Variants in UPP2 observed in about 807,000 individuals in gnomAD.
UPP2 encodes the protein uridine phosphorylase 2, also known as UPase 2.
Under a neutral mutation model 26.7 loss-of-function variants are expected in UPP2, and 23 were observed. The observed-to-expected ratio is 0.86, with a 90% CI of 0.62 to 1.22. The LOEUF (loss-of-function observed/expected upper bound fraction) is 1.22, where lower values mean the gene tolerates loss of function less well. UPP2 is among the 50% of genes most tolerant of loss of function. The pLI is 0.00. For synonymous variants in UPP2, 127 were observed against 141.3 expected, an observed-to-expected ratio of 0.90 and a Z score of 0.72; for missense variants, 387 against 396.7, an observed-to-expected ratio of 0.98 and a Z score of 0.21.
At chr2:158,052,553 T>C (rs1367807302) in intron 3 of UPP2, among the ~76,000 whole-genome samples, 1 of 152,216 alleles carries the variant, frequency 6.6e-6, no homozygotes, top group Non-Finnish European at 1.5e-5. Context: ...GGGTATTGAA[T>C]GACTGAATTG....
intron 3 of UPP2, among the ~76,000 whole-genome samples, chr2:158,016,806 C>G: frequency 6.6e-6 from 1 of 151,978 alleles, no homozygotes; most frequent in Non-Finnish European, 1.5e-5. Flanking sequence ...CTGTCCCCAC[C>G]CCACAAGCAG....
At chr2:158,113,289 G>A (rs7586185) in intron 2 of UPP2, among the ~76,000 whole-genome samples, 11,204 of 152,202 alleles carry the variant, frequency 0.074, 743 homozygotes, top group African/African-American at 0.17. Flanking sequence ...CACACAATGA[G>A]GTTATTTTCA....
intron 3 of UPP2, among the ~76,000 whole-genome samples, chr2:158,025,944 T>C (rs972807938): frequency 2.0e-5 from 3 of 152,052 alleles, no homozygotes; most frequent in Non-Finnish European, 2.9e-5. Flanking sequence ...TTCAGCTTCG[T>C]CTGGAAGAAG....
intron 2 of UPP2, among the ~76,000 whole-genome samples, chr2:158,012,379 T>G (rs913696981): frequency 1.4e-5 from 2 of 146,318 alleles, no homozygotes; most frequent in African/African-American, 5.0e-5. Flanking sequence ...GTGATTCTCC[T>G]GCCTCAGCTT....
intron 2 of UPP2, among the ~76,000 whole-genome samples, chr2:158,000,371 C>G (rs1045505669): frequency 1.3e-5 from 2 of 152,012 alleles, no homozygotes; most frequent in African/African-American, 4.8e-5. Context: ...ATGAGAGATC[C>G]AACTTATATT....
intron 2 of UPP2, among the ~76,000 whole-genome samples, chr2:158,006,491 A>T (rs1181706065): frequency 6.6e-6 from 1 of 151,790 alleles, no homozygotes; most frequent in Non-Finnish European, 1.5e-5. Flanking sequence ...AAAAAAAAAA[A>T]AAAAAAAAGT....
chr2:158,071,138 C>T (rs1271202999), intron 3 of UPP2, among the ~76,000 whole-genome samples: 1 of 152,160 alleles, frequency 6.6e-6, no homozygotes, highest in Non-Finnish European at 1.5e-5. Flanking sequence ...AGTCCTAATG[C>T]TGGGCTAGGA....
intron 4 of UPP2, 71 bp downstream of exon 4, chr2:158,118,009 A>T (rs1454905175): frequency 7.6e-7 from 1 of 1,308,650 alleles, no homozygotes; most frequent in Non-Finnish European, 1.1e-6. Context: ...AAAATATAAC[A>T]TCCTATTCAG....
intron 3 of UPP2, among the ~76,000 whole-genome samples, chr2:158,023,235 G>GGGT (rs1553463664): frequency 6.9e-6 from 1 of 144,426 alleles, no homozygotes; most frequent in Non-Finnish European, 1.5e-5. Flanking sequence ...TCAGTTGGGG[G>GGGT]GGGGCATTTG....
intron 2 of UPP2, among the ~76,000 whole-genome samples, chr2:158,002,834 C>T (rs1018850336): frequency 2.1e-4 from 32 of 152,140 alleles, no homozygotes; most frequent in African/African-American, 7.0e-4. Flanking sequence ...CTGGCAACAC[C>T]GTTGTGACAT....
At chr2:158,068,047 CT>C (rs1209998899) in intron 3 of UPP2, among the ~76,000 whole-genome samples, 12 of 152,150 alleles carry the variant, frequency 7.9e-5, no homozygotes, top group Middle Eastern at 3.4e-3. Context: ...TTTGAATAAT[CT>C]TTTTTCCCCC....
intron 3 of UPP2, among the ~76,000 whole-genome samples, chr2:158,082,170 G>C (rs185952099): frequency 1.3e-5 from 2 of 151,980 alleles, no homozygotes; most frequent in African/African-American, 4.8e-5. Flanking sequence ...GGCTGGTCTC[G>C]AACTCCTGAC....
At chr2:158,018,241 C>T (rs1349491047) in intron 3 of UPP2, among the ~76,000 whole-genome samples, 1 of 152,184 alleles carries the variant, frequency 6.6e-6, no homozygotes, top group African/African-American at 2.4e-5. Flanking sequence ...CAAGAAATAG[C>T]TACTTGCAAA....
intron 3 of UPP2, among the ~76,000 whole-genome samples, chr2:158,028,646 A>G (rs1683873213): frequency 6.6e-6 from 1 of 152,162 alleles, no homozygotes; most frequent in Admixed American, 6.5e-5. Flanking sequence ...CATTTCTGGT[A>G]CCAACTTACT....
rs558916805 is a variant in UPP2, at chr2:158,112,608, T to TA, written c.181-2483dup. On this transcript the variant is annotated intron_variant, in intron 2 of 6. Transcript: ENST00000005756. ...AAATAAAAATAAATAAATTGAACTC[T>TA]AAAAAAAAAAGGAAGTTATCTATTC... Among the ~76,000 whole-genome samples the TA allele has an allele frequency of 6.4e-3, 943 of 147,192 alleles. 5 individuals are homozygous for TA. Among genetic ancestry groups the TA allele is most frequent in the Middle Eastern group, 0.028 (8 of 288 alleles).
chr2:158,116,854 T>C (rs1461120871), intron 3 of UPP2, among the ~76,000 whole-genome samples: 1 of 149,252 alleles, frequency 6.7e-6, no homozygotes, highest in Non-Finnish European at 1.5e-5. Context: ...GGCTCCAGGA[T>C]GCTTACTAAA....
At chr2:158,094,861 C>A (rs1257257604) in intron 3 of UPP2, among the ~76,000 whole-genome samples, 4 of 152,284 alleles carry the variant, frequency 2.6e-5, no homozygotes, top group Admixed American at 6.5e-5. Flanking sequence ...TGGGGTTTGT[C>A]AAACTCACAG....
intron 3 of UPP2, among the ~76,000 whole-genome samples, chr2:158,068,975 G>A (rs1394314257): frequency 2.0e-5 from 3 of 149,888 alleles, no homozygotes; most frequent in Non-Finnish European, 3.0e-5. Context: ...CCGCCACCAC[G>A]CCAGGCTAAT....
At chr2:158,092,155 C>CT (rs1449244164) in intron 3 of UPP2, among the ~76,000 whole-genome samples, 2 of 152,102 alleles carry the variant, frequency 1.3e-5, no homozygotes, top group Non-Finnish European at 2.9e-5. Flanking sequence ...TAACATACAT[C>CT]TAAGAGGGGT....
Sources: gnomAD v4.1 joint callset for allele counts (sites outside exome capture counted in the v4.1 genomes callset) on GRCh38, gnomAD v4.1.1 for gene constraint, MANE v1.5 for transcripts, NCBI Gene and HGNC (gene_info 2026-07-23, HGNC 2026-07-21) for gene names.